Variants in NAV2 observed in about 807,000 individuals in gnomAD.
NAV2 encodes neuron navigator 2, also known as helicase, APC down-regulated 1.
NAV2 carries 54 observed loss-of-function variants against 223.2 expected under a neutral mutation model. The observed-to-expected ratio is 0.24, with a 90% CI of 0.19 to 0.30. The LOEUF (loss-of-function observed/expected upper bound fraction) is 0.30, where lower values mean the gene tolerates loss of function less well. Ranked by LOEUF, NAV2 falls within the 10% of genes least tolerant of loss-of-function variation. The pLI, the probability that NAV2 is intolerant of heterozygous loss-of-function variation, is 1.00. For synonymous variants in NAV2, 1,279 were observed against 1,239.3 expected (o/e 1.03, Z -0.67); for missense variants, 2,806 against 3,147.5 (o/e 0.89, Z 2.60).
intron 3 of NAV2, among the ~76,000 whole-genome samples, chr11:19,845,118 C>T (rs888298054): frequency 2.6e-5 from 4 of 152,090 alleles, no homozygotes; most frequent in African/African-American, 7.2e-5. Flanking sequence ...GAAGTTCTTT[C>T]GATAGACAGG....
rs542397518 is a variant in NAV2, at chr11:19,495,008, C to T, written c.75+143981C>T. 8.1e-4 allele frequency among the ~76,000 whole-genome samples: 123 copies of T among 152,268 alleles called. 1 individual carries two copies. The highest frequency in any genetic ancestry group is 2.9e-3 in the African/African-American group (119 of 41,562). On this transcript the variant is annotated intron_variant, in intron 1 of 37. Transcript: ENST00000360655. ...CCTGGTGGGCACAGGTCAGGAACCC[C>T]CTGACAGGAAAACTCATTGCTGCTT...
At chr11:19,744,180 A>T (rs908949259) in intron 1 of NAV2, among the ~76,000 whole-genome samples, 1 of 152,208 alleles carries the variant, frequency 6.6e-6, no homozygotes, top group African/African-American at 2.4e-5. Context: ...TTAAACCCAT[A>T]CTTCTGCCTC....
At chr11:20,078,339 C>T (rs2153658972) in intron 24 of NAV2, among the ~76,000 whole-genome samples, 1 of 152,352 alleles carries the variant, frequency 6.6e-6, no homozygotes, top group South Asian at 2.1e-4. Context: ...TGGAAGAAAA[C>T]ATGTTTCTAT....
rs184547414 is a variant in NAV2, at chr11:19,761,724, C to T, written c.267+47762C>T. Among the ~76,000 whole-genome samples, 677 of 152,318 alleles carry T rather than the reference C, an allele frequency of 4.4e-3. 4 individuals carry two copies. The highest frequency in any genetic ancestry group is 0.016 in the African/African-American group (645 of 41,580). On this transcript the variant is annotated intron_variant, in intron 1 of 37. Transcript: ENST00000349880. ...GGAGGAAGGGATGTCTAGAACTGCT[C>T]TAAGGACTACCAGAAATTACTGATT...
intron 6 of NAV2, among the ~76,000 whole-genome samples, chr11:19,929,812 G>A (rs971514786): frequency 2.0e-5 from 3 of 152,144 alleles, no homozygotes; most frequent in Non-Finnish European, 2.9e-5. Context: ...ACACAAAGAT[G>A]AGTCAGGGCG....
At chr11:19,438,898 T>TC (rs1851302659) in intron 1 of NAV2, among the ~76,000 whole-genome samples, 1 of 151,994 alleles carries the variant, frequency 6.6e-6, no homozygotes, top group South Asian at 2.1e-4. Flanking sequence ...TTTAGAGATT[T>TC]TTTTTTTTGT....
At chr11:19,477,291 A>T (rs974262683) in intron 1 of NAV2, among the ~76,000 whole-genome samples, 2 of 152,198 alleles carry the variant, frequency 1.3e-5, no homozygotes, top group Non-Finnish European at 2.9e-5. Context: ...GTTTTCTGCA[A>T]TTTTTGCCAC....
intron 1 of NAV2, among the ~76,000 whole-genome samples, chr11:19,821,317 T>C (rs2059370315): frequency 6.6e-6 from 1 of 150,874 alleles, no homozygotes; most frequent in Admixed American, 6.6e-5. Context: ...TGGGTTATCC[T>C]GAGGTGTGGA....
At chr11:20,006,629 C>T (rs563964009) in intron 11 of NAV2, among the ~76,000 whole-genome samples, 497 of 152,112 alleles carry the variant, frequency 3.3e-3, no homozygotes, top group Middle Eastern at 6.8e-3. Flanking sequence ...GAGCCAAGAT[C>T]GCACCATTGC....
At chr11:19,665,256 C>G (rs1295292374) in intron 1 of NAV2, among the ~76,000 whole-genome samples, 6 of 152,220 alleles carry the variant, frequency 3.9e-5, no homozygotes, top group Non-Finnish European at 2.9e-5. Context: ...GTTCCTGAAG[C>G]TCTCTAGGCT....
intron 25 of NAV2, 100 bp from the exon 26 acceptor site, chr11:20,082,907 C>G: frequency 5.2e-6 from 6 of 1,154,228 alleles, no homozygotes; most frequent in Non-Finnish European, 6.1e-6. Context: ...GGGGGAAAAA[C>G]ATGGGAGAAT....
At position 19,823,575 on chromosome 11, in the gene NAV2, A is replaced by C. The variant is rs201549327; in HGVS notation, c.268-8909A>C. Among the ~76,000 whole-genome samples, 8 of 152,148 alleles carry C rather than the reference A, an allele frequency of 5.3e-5. No individual in the cohort carries two copies. The East Asian group carries it at 1.5e-3, about 29-fold the overall frequency. On this transcript the variant is annotated intron_variant, in intron 1 of 37. Coordinates refer to ENST00000349880, the MANE Select transcript of NAV2 (RefSeq NM_145117.5). The stretch of plus-strand genomic sequence containing the variant: ...AGGTTGGTCTTAAACTCCTGGGCTC[A>C]AGCAATCTGACTGCTTCAGCCTCCC...
chr11:19,423,996 A>T (rs1458645347), intron 1 of NAV2, among the ~76,000 whole-genome samples: 2 of 152,192 alleles, frequency 1.3e-5, no homozygotes, highest in Non-Finnish European at 2.9e-5. Context: ...GATCCCAGAA[A>T]ACCACAGGGT....
At chr11:19,811,012 T>C (rs1368622537) in intron 1 of NAV2, among the ~76,000 whole-genome samples, 1 of 152,150 alleles carries the variant, frequency 6.6e-6, no homozygotes, top group Admixed American at 6.5e-5. Context: ...AAAGGGTGCA[T>C]TGTAGGTATT....
intron 1 of NAV2, among the ~76,000 whole-genome samples, chr11:19,396,167 TA>T (rs1454110804): frequency 2.0e-5 from 3 of 152,096 alleles, no homozygotes; most frequent in African/African-American, 7.2e-5. Flanking sequence ...GCTATGAAAA[TA>T]CAGAGGAGAG....
chr11:20,034,369 TTTTTTTTTTTG>T (rs1453867951), intron 11 of NAV2, among the ~76,000 whole-genome samples: 8 of 109,874 alleles, frequency 7.3e-5, no homozygotes, highest in African/African-American at 2.4e-4. Context: ...TTTGTTTTTT[TTTTTTTTTTTG>T]TTTGTTTGTT....
chr11:19,698,111 A>G (rs543323048), intron 1 of NAV2, among the ~76,000 whole-genome samples: 2 of 152,250 alleles, frequency 1.3e-5, no homozygotes, highest in African/African-American at 2.4e-5. Flanking sequence ...TTCCCTGCTC[A>G]TTGTGTAATC....
intron 1 of NAV2, among the ~76,000 whole-genome samples, chr11:19,451,932 G>A (rs1851802322): frequency 6.6e-6 from 1 of 152,202 alleles, no homozygotes; most frequent in Non-Finnish European, 1.5e-5. Flanking sequence ...CCAGACCAAA[G>A]GTGGGTGTCT....
chr11:19,821,407 T>A (rs943221687), intron 1 of NAV2, among the ~76,000 whole-genome samples: 2 of 152,190 alleles, frequency 1.3e-5, no homozygotes, highest in African/African-American at 4.8e-5. Flanking sequence ...TTATTTTTTT[T>A]AAAGGCATAG....
Sources: gnomAD v4.1 joint callset for allele counts (sites outside exome capture counted in the v4.1 genomes callset) on GRCh38, gnomAD v4.1.1 for gene constraint, MANE v1.5 for transcripts, NCBI Gene and HGNC (gene_info 2026-07-23, HGNC 2026-07-21) for gene names.